Variants in SLC25A13 observed in about 807,000 individuals in gnomAD.
SLC25A13 encodes the protein solute carrier family 25 member 13.
In SLC25A13, 70 loss-of-function variants were observed where a neutral mutation model predicts 85.5. The observed-to-expected ratio is 0.82, with a 90% CI of 0.68 to 1.00. The LOEUF is 1.00. Among genes scored for constraint, SLC25A13 ranks in the 50% least tolerant of loss-of-function variants. The pLI, the probability that SLC25A13 is intolerant of heterozygous loss-of-function variation, is 0.00. For missense variants in SLC25A13, 765 were observed against 819.8 expected (o/e 0.93, Z 0.82); for synonymous variants, 259 against 288.7 (o/e 0.90, Z 1.04).
At chr7:96,228,119 C>A (rs1796387462) in intron 4 of SLC25A13, among the ~76,000 whole-genome samples, 1 of 152,196 alleles carries the variant, frequency 6.6e-6, no homozygotes, top group Admixed American at 6.5e-5. Context: ...CCGCCTTGGC[C>A]TCCCAAAGTG....
intron 9 of SLC25A13, among the ~76,000 whole-genome samples, chr7:96,187,047 T>C (rs1313438501): frequency 6.6e-6 from 1 of 152,256 alleles, no homozygotes; most frequent in Non-Finnish European, 1.5e-5. Flanking sequence ...GTCATTGTTT[T>C]CTGGTTCTTT....
At chr7:96,190,386 G>A (rs62467758) in intron 7 of SLC25A13, among the ~76,000 whole-genome samples, 4,680 of 151,596 alleles carry the variant, frequency 0.031, 98 homozygotes, top group Middle Eastern at 0.065. Flanking sequence ...CCACCGCACC[G>A]GCTCTGATTT....
chr7:96,232,648 G>A (rs1251181121), intron 4 of SLC25A13, among the ~76,000 whole-genome samples: 4 of 131,964 alleles, frequency 3.0e-5, no homozygotes, highest in African/African-American at 1.1e-4. Flanking sequence ...AAAGAAAAAT[G>A]AAAAAAAAAA....
chr7:96,256,385 A>T (rs1336088111), intron 3 of SLC25A13, among the ~76,000 whole-genome samples: 1 of 152,212 alleles, frequency 6.6e-6, no homozygotes, highest in Non-Finnish European at 1.5e-5. Flanking sequence ...TTGCCAAGCA[A>T]ATGGAAAGCA....
intron 3 of SLC25A13, among the ~76,000 whole-genome samples, chr7:96,242,880 G>A (rs1283939334): frequency 3.9e-5 from 6 of 152,184 alleles, no homozygotes; most frequent in Non-Finnish European, 8.8e-5. Context: ...TTGGGCACAT[G>A]TTCTCAGGAT....
At chr7:96,236,668 G>C (rs1023261234) in intron 3 of SLC25A13, among the ~76,000 whole-genome samples, 19 of 152,240 alleles carry the variant, frequency 1.2e-4, no homozygotes, top group African/African-American at 4.3e-4. Flanking sequence ...ACTGGCTTCT[G>C]ACATTTTGGC....
chr7:96,264,283 GCCCAGCCATCATGCTGTTCCT>G (rs939165716), intron 3 of SLC25A13, among the ~76,000 whole-genome samples: 1 of 152,114 alleles, frequency 6.6e-6, no homozygotes, highest in African/African-American at 2.4e-5. Flanking sequence ...AGTGGGTCCT[GCCCAGCCATCATGCTGTTCCT>G]CACACATTCA....
chr7:96,199,159 G>A (rs1795166168), intron 5 of SLC25A13, among the ~76,000 whole-genome samples: 1 of 152,190 alleles, frequency 6.6e-6, no homozygotes, highest in Admixed American at 6.5e-5. Flanking sequence ...ATGGAAAAAT[G>A]AGGTAAGAAT....
At chr7:96,315,278 A>C (rs1346145368) in intron 1 of SLC25A13, among the ~76,000 whole-genome samples, 1 of 152,228 alleles carries the variant, frequency 6.6e-6, no homozygotes, top group Non-Finnish European at 1.5e-5. Context: ...AGAAGGAGCC[A>C]GCAGGTCTCT....
At chr7:96,251,238 C>T (rs924747909) in intron 3 of SLC25A13, among the ~76,000 whole-genome samples, 2 of 151,948 alleles carry the variant, frequency 1.3e-5, no homozygotes, top group African/African-American at 4.8e-5. Context: ...CCAATGTCAC[C>T]AGAACAAAGT....
chr7:96,144,312 C>A (rs759112435), intron 14 of SLC25A13, among the ~76,000 whole-genome samples: 8 of 152,120 alleles, frequency 5.3e-5, no homozygotes, highest in Non-Finnish European at 1.2e-4. Context: ...CAGAGGTCAA[C>A]ATCTGCTGAA....
At chr7:96,203,795 C>A (rs1243076550) in intron 5 of SLC25A13, among the ~76,000 whole-genome samples, 1 of 152,184 alleles carries the variant, frequency 6.6e-6, no homozygotes, top group South Asian at 2.1e-4. Flanking sequence ...CAGTACAATG[C>A]ACCCCTAAGA....
intron 4 of SLC25A13, among the ~76,000 whole-genome samples, chr7:96,216,044 A>G (rs1298379343): frequency 2.0e-5 from 3 of 151,724 alleles, no homozygotes. Context: ...AATCCCAGCT[A>G]CTCAGGAGGC....
chr7:96,216,891 C>G (rs1795920377), intron 4 of SLC25A13, among the ~76,000 whole-genome samples: 1 of 150,934 alleles, frequency 6.6e-6, no homozygotes, highest in Non-Finnish European at 1.5e-5. Flanking sequence ...TACCCCTGAA[C>G]TTAAAATAAA....
At chr7:96,236,010 G>A (rs923054162) in intron 3 of SLC25A13, among the ~76,000 whole-genome samples, 1 of 152,194 alleles carries the variant, frequency 6.6e-6, no homozygotes. Flanking sequence ...GAAGGAGGAA[G>A]AAAATAGGAA....
At chr7:96,278,123 C>T (rs1467229624) in intron 2 of SLC25A13, among the ~76,000 whole-genome samples, 1 of 152,128 alleles carries the variant, frequency 6.6e-6, no homozygotes, top group Admixed American at 6.6e-5. Flanking sequence ...AGAGAGAGCC[C>T]ATTAATTTCT....
intron 4 of SLC25A13, among the ~76,000 whole-genome samples, chr7:96,219,298 T>C (rs1466454388): frequency 1.3e-5 from 2 of 152,162 alleles, no homozygotes; most frequent in African/African-American, 4.8e-5. Context: ...TGGTGATAGG[T>C]ATCTTTCAAA....
chr7:96,285,306 TCTC>T (rs1193138165), intron 2 of SLC25A13, among the ~76,000 whole-genome samples: 4 of 152,024 alleles, frequency 2.6e-5, no homozygotes, highest in Non-Finnish European at 5.9e-5. Flanking sequence ...CTCACACCCA[TCTC>T]CTCGTCAAAA....
At chr7:96,200,542 C>T (rs539739136) in intron 5 of SLC25A13, among the ~76,000 whole-genome samples, 1 of 151,742 alleles carries the variant, frequency 6.6e-6, no homozygotes, top group South Asian at 2.1e-4. Context: ...TGTGTACCTC[C>T]CCCCACCCCC....
Sources: allele counts gnomAD v4.1 joint callset (sites outside exome capture counted in the v4.1 genomes callset), GRCh38; gene constraint gnomAD v4.1.1; transcripts MANE v1.5; gene names NCBI Gene and HGNC (gene_info 2026-07-23, HGNC 2026-07-21).